The following ZFP64 variants were observed in gnomAD, a reference collection of about 807,000 sequenced individuals.
The protein encoded by ZFP64 is ZFP64 zinc finger protein.
Under a neutral mutation model 51.6 loss-of-function variants are expected in ZFP64, and 14 were observed. The observed-to-expected ratio is 0.27, with a 90% CI of 0.18 to 0.42. ZFP64 has a LOEUF of 0.42. Ranked by LOEUF, ZFP64 falls within the 10% of genes least tolerant of loss-of-function variation. ZFP64 has a pLI of 1.00. For missense variants in ZFP64, 754 were observed against 906.8 expected (o/e 0.83, Z 2.16); for synonymous variants, 375 against 361.4 (o/e 1.04, Z -0.43).
intron 2 of ZFP64, among the ~76,000 whole-genome samples, chr20:52,175,121 T>C (rs1010604206): frequency 1.3e-5 from 2 of 152,020 alleles, no homozygotes; most frequent in African/African-American, 4.8e-5. Flanking sequence ...CTATCTTTTG[T>C]TTTGTTTTGT....
chr20:52,086,358 A>C (rs2078863852), intron 8 of ZFP64, among the ~76,000 whole-genome samples: 1 of 152,048 alleles, frequency 6.6e-6, no homozygotes, highest in Non-Finnish European at 1.5e-5. Context: ...TTCTTTTCTT[A>C]CGTGTTGCTC....
Position 52,116,081 on chromosome 20 carries a change from G to A in ZFP64, c.764-17494C>T, listed in dbSNP as rs1291358980. On this transcript the variant is annotated intron_variant, in intron 5 of 8. Transcript: ENST00000361387. ...ACTCCCGACCTCAGGTGATCTGCCC[G>A]CCTCATCCTCCCAAAGTGCTGGGAT... Among the ~76,000 whole-genome samples the A allele has an allele frequency of 4.6e-5, 7 of 151,274 alleles. No individual in the cohort carries two copies. In the East Asian group the frequency reaches 7.9e-4, roughly 17 times the overall value.
At chr20:52,187,414 GA>G (rs1984050878) in intron 1 of ZFP64, among the ~76,000 whole-genome samples, 1 of 152,032 alleles carries the variant, frequency 6.6e-6, no homozygotes, top group South Asian at 2.1e-4. Context: ...CTGAGGTCAG[GA>G]GTTCGAGACC....
chr20:52,122,503 C>CAAAA (rs71192596), intron 5 of ZFP64, among the ~76,000 whole-genome samples: 1 of 91,134 alleles, frequency 1.1e-5, no homozygotes, highest in Non-Finnish European at 2.2e-5. Flanking sequence ...GACTCCGTCT[C>CAAAA]AAAAAAAAAA....
At chr20:52,143,550 T>C (rs1212130357) in intron 5 of ZFP64, among the ~76,000 whole-genome samples, 3 of 141,878 alleles carry the variant, frequency 2.1e-5, no homozygotes, top group African/African-American at 7.6e-5. Context: ...TTTTTTTTTT[T>C]TTAGACACAG....
intron 5 of ZFP64, among the ~76,000 whole-genome samples, chr20:52,144,600 A>AAAAAAAAAAAAAAAAAAAAAAG (rs1980430417): frequency 1.3e-5 from 2 of 148,846 alleles, no homozygotes; most frequent in South Asian, 2.1e-4. Context: ...AAAAAAAAAA[A>AAAAAAAAAAAAAAAAAAAAAAG]AATGCTGAAA....
chr20:52,095,175 A>G (rs1277600785), intron 7 of ZFP64, among the ~76,000 whole-genome samples: 1 of 152,210 alleles, frequency 6.6e-6, no homozygotes, highest in East Asian at 1.9e-4. Flanking sequence ...TTGGTAACAG[A>G]ACCTTCTTTG....
intron 1 of ZFP64, 26 bp from the exon 2 acceptor site, chr20:52,187,097 G>T: frequency 6.3e-7 from 1 of 1,586,764 alleles, no homozygotes; most frequent in South Asian, 1.1e-5. Flanking sequence ...GGAAAGTAAC[G>T]GATTAATTCC....
chr20:52,141,992 A>G (rs1053965354), intron 5 of ZFP64, among the ~76,000 whole-genome samples: 8 of 152,206 alleles, frequency 5.3e-5, no homozygotes, highest in African/African-American at 1.9e-4. Flanking sequence ...TGGGAGCTCA[A>G]TAATATTTAT....
intron 5 of ZFP64, chr20:52,105,297 C>T (rs2122792130): frequency 7.9e-7 from 1 of 1,265,634 alleles, no homozygotes; most frequent in Non-Finnish European, 9.9e-7. Context: ...ACAACGAATT[C>T]CCGGAGTTCG....
At chr20:52,118,880 C>T (rs1232620547) in intron 5 of ZFP64, among the ~76,000 whole-genome samples, 3 of 152,172 alleles carry the variant, frequency 2.0e-5, no homozygotes, top group South Asian at 2.1e-4. Flanking sequence ...CAGTGGCTCG[C>T]GCCTGTAATG....
At chr20:52,137,356 T>C (rs558422605) in intron 5 of ZFP64, among the ~76,000 whole-genome samples, 63 of 152,152 alleles carry the variant, frequency 4.1e-4, no homozygotes, top group Non-Finnish European at 7.6e-4. Flanking sequence ...CTACAGGACC[T>C]AGGGCATCTA....
intron 8 of ZFP64, chr20:52,088,289 T>C: frequency 1.3e-6 from 2 of 1,520,162 alleles, no homozygotes; most frequent in Non-Finnish European, 1.8e-6. Flanking sequence ...TTCTTGTACT[T>C]CTACCACACC....
rs769747430 is a variant in ZFP64 at position 52,084,618 on chromosome 20, A to T, written c.1877T>A (p.Leu626His). 4 of 1,614,106 alleles carry T rather than the reference A, an allele frequency of 2.5e-6. No individual in the cohort carries two copies. The South Asian group carries it at 4.4e-5, about 18-fold the overall frequency. ...CTGCCCCACGGAGACCAGGGTGCTG[A>T]GCTGTCCCGAGGCACCGCTTTCCGG... is the stretch of plus-strand genomic sequence containing the variant. The change falls in exon 9 of 9, where the codon CTC (leucine) becomes CAC (histidine). Residue 626 changes from leucine (L) to histidine (H), a missense_variant. Transcript: ENST00000361387.
intron 5 of ZFP64, among the ~76,000 whole-genome samples, chr20:52,140,629 G>T (rs1358851275): frequency 6.6e-6 from 1 of 152,172 alleles, no homozygotes; most frequent in East Asian, 1.9e-4. Context: ...GGTTCAGGAG[G>T]TTTAAAGAAA....
chr20:52,138,477 G>GA (rs965471921), intron 5 of ZFP64, among the ~76,000 whole-genome samples: 23 of 146,564 alleles, frequency 1.6e-4, no homozygotes, highest in East Asian at 5.9e-4. Context: ...CCAGGCAAAT[G>GA]AAAAAAAAAT....
intron 5 of ZFP64, among the ~76,000 whole-genome samples, chr20:52,105,861 G>GT (rs1277160525): frequency 8.6e-5 from 13 of 152,016 alleles, no homozygotes; most frequent in Admixed American, 5.2e-4. Context: ...TAAAAAAGCC[G>GT]TCTCCCTCCC....
intron 7 of ZFP64, among the ~76,000 whole-genome samples, chr20:52,092,280 A>G (rs1304218914): frequency 6.6e-6 from 1 of 152,222 alleles, no homozygotes; most frequent in Non-Finnish European, 1.5e-5. Flanking sequence ...TAAGATGTTT[A>G]TCGGCATCCC....
At chr20:52,087,336 A>G (rs1791518800) in intron 8 of ZFP64, among the ~76,000 whole-genome samples, 2 of 152,004 alleles carry the variant, frequency 1.3e-5, no homozygotes, top group Admixed American at 1.3e-4. Flanking sequence ...ACTGGCTCTT[A>G]TTCTCAGTTC....
Sources: allele counts gnomAD v4.1 joint callset (sites outside exome capture counted in the v4.1 genomes callset), GRCh38; gene constraint gnomAD v4.1.1; transcripts MANE v1.5; gene names NCBI Gene and HGNC (gene_info 2026-07-23, HGNC 2026-07-21).